Variants in LOC128125817 observed in about 807,000 individuals in gnomAD.
chr1:41,618,616 C>T, the LOC128125817 span, among the ~76,000 whole-genome samples: 2,287 of 151,680 alleles, frequency 0.015, 67 homozygotes, highest in African/African-American at 0.052. Context: ...TGGTCTAAGT[C>T]CTTTCTTAAG....
chr1:41,591,711 T>G, the LOC128125817 span, among the ~76,000 whole-genome samples: 1 of 151,990 alleles, frequency 6.6e-6, no homozygotes, highest in African/African-American at 2.4e-5. Context: ...GACCATTCAG[T>G]GAGGACCATG....
chr1:41,610,803 A>G, the LOC128125817 span, among the ~76,000 whole-genome samples: 6 of 152,068 alleles, frequency 3.9e-5, no homozygotes, highest in Non-Finnish European at 8.8e-5. Context: ...TCCTTTTTTG[A>G]CAACATCTGA....
At chr1:41,605,108 TAAA>T in the LOC128125817 span, among the ~76,000 whole-genome samples, 5 of 83,964 alleles carry the variant, frequency 6.0e-5, no homozygotes, top group Non-Finnish European at 1.0e-4. Flanking sequence ...CTGTCTCCAA[TAAA>T]AAAAAAAAAA....
the LOC128125817 span, among the ~76,000 whole-genome samples, chr1:41,611,055 A>G: frequency 2.6e-5 from 4 of 152,320 alleles, no homozygotes; most frequent in South Asian, 4.2e-4. Flanking sequence ...GTGAGAAAGA[A>G]GGCCGTAGGC....
the LOC128125817 span, among the ~76,000 whole-genome samples, chr1:41,625,859 C>T: frequency 6.6e-6 from 1 of 152,070 alleles, no homozygotes; most frequent in Admixed American, 6.5e-5. Flanking sequence ...AAAATTTGAA[C>T]TTAAAAAATA....
the LOC128125817 span, among the ~76,000 whole-genome samples, chr1:41,593,879 G>A: frequency 6.6e-6 from 1 of 152,192 alleles, no homozygotes. Context: ...GGCCCTAGAG[G>A]AGAATCCCTT....
the LOC128125817 span, among the ~76,000 whole-genome samples, chr1:41,602,287 T>C: frequency 6.6e-6 from 1 of 152,206 alleles, no homozygotes; most frequent in Non-Finnish European, 1.5e-5. Flanking sequence ...TCCCTCCTCT[T>C]CAATTTTTTT....
the LOC128125817 span, among the ~76,000 whole-genome samples, chr1:41,608,943 G>A: frequency 2.7e-5 from 4 of 147,308 alleles, no homozygotes; most frequent in Admixed American, 2.7e-4. Flanking sequence ...AAATAGCCAG[G>A]TGTGGTGGTG....
chr1:41,585,826 G>A, the LOC128125817 span, among the ~76,000 whole-genome samples: 4 of 152,190 alleles, frequency 2.6e-5, no homozygotes, highest in Non-Finnish European at 5.9e-5. Flanking sequence ...CATGGCTGGT[G>A]CAGGAGGGAA....
the LOC128125817 span, among the ~76,000 whole-genome samples, chr1:41,591,052 T>C: frequency 2.6e-5 from 4 of 152,194 alleles, no homozygotes; most frequent in African/African-American, 7.2e-5. Flanking sequence ...ACCTGACATA[T>C]AGTAAGCATT....
the LOC128125817 span, among the ~76,000 whole-genome samples, chr1:41,614,195 T>C: frequency 6.6e-6 from 1 of 152,222 alleles, no homozygotes; most frequent in Non-Finnish European, 1.5e-5. Context: ...CAGAAACAGA[T>C]AGCACATGGG....
the LOC128125817 span, among the ~76,000 whole-genome samples, chr1:41,599,571 G>A: frequency 1.3e-5 from 2 of 152,068 alleles, no homozygotes; most frequent in African/African-American, 4.8e-5. Flanking sequence ...CCTGAAAATG[G>A]CAAAAGTTAA....
At chr1:41,594,925 G>A in the LOC128125817 span, among the ~76,000 whole-genome samples, 1 of 152,144 alleles carries the variant, frequency 6.6e-6, no homozygotes, top group Non-Finnish European at 1.5e-5. Context: ...GTGAGGTAAA[G>A]ATAAAGCTTA....
At chr1:41,597,580 A>C in the LOC128125817 span, among the ~76,000 whole-genome samples, 2 of 152,158 alleles carry the variant, frequency 1.3e-5, no homozygotes, top group South Asian at 4.1e-4. Context: ...CCAAAATCAC[A>C]AAACTGATAA....
chr1:41,592,622 C>T, the LOC128125817 span, among the ~76,000 whole-genome samples: 7,615 of 152,212 alleles, frequency 0.05, 262 homozygotes, highest in African/African-American at 0.097. Context: ...AAGGTCAGGC[C>T]CACCTACTGG....
the LOC128125817 span, among the ~76,000 whole-genome samples, chr1:41,624,839 T>G: frequency 1.3e-5 from 2 of 152,212 alleles, no homozygotes; most frequent in Admixed American, 1.3e-4. Context: ...GTTAACAATC[T>G]GTCACCATTC....
chr1:41,623,078 C>T, the LOC128125817 span, among the ~76,000 whole-genome samples: 1 of 152,208 alleles, frequency 6.6e-6, no homozygotes, highest in Admixed American at 6.5e-5. Flanking sequence ...AGCTGGGGCC[C>T]TCAGTGCCAA....
chr1:41,628,586 G>T, the LOC128125817 span, among the ~76,000 whole-genome samples: 3 of 152,200 alleles, frequency 2.0e-5, no homozygotes, highest in Non-Finnish European at 4.4e-5. Context: ...ACCAAGGAAG[G>T]TTGAGGACTT....
At chr1:41,615,815 C>CTT in the LOC128125817 span, among the ~76,000 whole-genome samples, 520 of 47,028 alleles carry the variant, frequency 0.011, 92 homozygotes, top group East Asian at 0.091. Flanking sequence ...TTTGACAAGT[C>CTT]TTTTTTTTTT....
Sources: allele counts gnomAD v4.1 joint callset (sites outside exome capture counted in the v4.1 genomes callset), GRCh38; gene constraint gnomAD v4.1.1; transcripts MANE v1.5.